OCRL: variants seen among roughly 807,000 people sequenced by gnomAD.
The protein encoded by OCRL is inositol polyphosphate 5-phosphatase OCRL.
A neutral mutation model predicts 78.9 loss-of-function variants in OCRL; 8 were observed. That is an observed-to-expected ratio of 0.10 (90% CI 0.06 to 0.18). OCRL has a LOEUF of 0.18. Ranked by LOEUF, OCRL falls within the 10% of genes least tolerant of loss-of-function variation. OCRL has a pLI of 1.00. For missense variants in OCRL, 454 were observed against 696.7 expected (o/e 0.65, Z 3.92); for synonymous variants, 240 against 235.4 (o/e 1.02, Z -0.18).
At chrX:129,583,001 T>C (rs1377870142) in intron 18 of OCRL, among the ~76,000 whole-genome samples, 2 of 111,904 alleles carry the variant, frequency 1.8e-5, no homozygotes. Context: ...TTCGAAACAA[T>C]CCAGGTTGGG....
chrX:129,566,724 C>T (rs1434667379), intron 13 of OCRL, among the ~76,000 whole-genome samples: 3 of 112,297 alleles, frequency 2.7e-5, no homozygotes, highest in African/African-American at 9.7e-5. Context: ...CTATGTCTAC[C>T]TTCACGTTGT....
At position 129,575,907 on chromosome X, in the gene OCRL, A is replaced by G; in HGVS notation, c.1724A>G (p.Glu575Gly). ...LELSRREFVF[E>G]NVKFRQLQKE... ...TCTGTTATTCCCCAGTTTGTGTTTG[A>G]AAATGTGAAGTTTCGGCAACTACAA... The change falls in exon 17 of 24, where the codon GAA becomes GGA. Residue 575 changes from glutamate (E) to glycine (G), a missense_variant. Glu to Gly is a moderately conservative substitution (Grantham distance 98). This residue lies in a region of OCRL where 277 missense variants were observed against 517.1 expected (regional missense o/e 0.54). Transcript: ENST00000371113. The G allele has an allele frequency of 8.3e-7, 1 of 1,211,997 alleles. No individual in the cohort carries two copies. The highest frequency in any genetic ancestry group is 1.1e-6 in the Non-Finnish European group (1 of 895,467).
Position 129,561,217 on chromosome X carries a change from A to C in OCRL, c.863A>C (p.Tyr288Ser), listed in dbSNP as rs1936140499. The C allele has an allele frequency of 3.3e-6, 4 of 1,209,023 alleles. No individual in the cohort carries two copies. The highest frequency in any genetic ancestry group is 3.4e-6 in the Non-Finnish European group (3 of 892,999). Residue 288 changes from tyrosine to serine, a missense_variant, in exon 10 of 24, where the codon TAC (tyrosine) becomes TCC (serine). Tyr to Ser is a moderately radical substitution (Grantham distance 144, BLOSUM62 -2). Transcript: ENST00000371113. ...ELDLSTEAFF[Y>S]FESVKEQEWS... ...GACTTGAGCACAGAAGCCTTCTTCT[A>C]CTTTGAATCTGTGAAGGAACAAGAA...
chrX:129,582,133 A>G (rs1284656263), intron 18 of OCRL, among the ~76,000 whole-genome samples: 2 of 110,011 alleles, frequency 1.8e-5, no homozygotes, highest in East Asian at 5.7e-4. Context: ...CCTAATATCA[A>G]TTTGTGATTT....
Position 129,570,043 on chromosome X carries a change from A to G in OCRL, c.1602+644A>G, listed in dbSNP as rs377581424. On this transcript the variant is annotated intron_variant, in intron 15 of 23. Coordinates refer to ENST00000371113, the MANE Select transcript of OCRL (RefSeq NM_000276.4). ...TTAACTCTGTTCTATCCTGGGCTGC[A>G]TTAATGGCCAGTTATTTAATTTTCT... Among the ~76,000 whole-genome samples the G allele has an allele frequency of 3.6e-5, 4 of 110,131 alleles. No homozygotes were observed. In the East Asian group the frequency reaches 8.5e-4, roughly 23 times the overall value.
intron 18 of OCRL, among the ~76,000 whole-genome samples, chrX:129,583,996 G>C: frequency 9.1e-6 from 1 of 110,401 alleles, no homozygotes; most frequent in African/African-American, 3.3e-5. Flanking sequence ...TTTCATTGAG[G>C]TATATACCTC....
intron 13 of OCRL, among the ~76,000 whole-genome samples, chrX:129,566,085 A>G (rs961078190): frequency 8.9e-6 from 1 of 112,257 alleles, no homozygotes; most frequent in African/African-American, 3.2e-5. Flanking sequence ...AGATAACATT[A>G]GTGATAAAAA....
chrX:129,568,591 T>G (rs1192087445), intron 14 of OCRL, among the ~76,000 whole-genome samples: 3 of 112,537 alleles, frequency 2.7e-5, no homozygotes, highest in Non-Finnish European at 5.6e-5. Context: ...CTGTGTCACC[T>G]TCTGGATCAG....
chrX:129,565,477 TA>T (rs767693398), intron 12 of OCRL, among the ~76,000 whole-genome samples: 3 of 112,167 alleles, frequency 2.7e-5, no homozygotes, highest in African/African-American at 9.7e-5. Context: ...GTCCAGCAAA[TA>T]AACTGCATGC....
At chrX:129,575,569 A>G (rs1256405816) in intron 16 of OCRL, 1 of 380,964 alleles carries the variant, frequency 2.6e-6, no homozygotes, top group Non-Finnish European at 4.6e-6. Context: ...TTAATATTTC[A>G]GAGTTGCTAG....
intron 4 of OCRL, among the ~76,000 whole-genome samples, chrX:129,551,401 A>G (rs1411661780): frequency 8.9e-6 from 1 of 112,271 alleles, no homozygotes; most frequent in Non-Finnish European, 1.9e-5. Flanking sequence ...TAGGAAACAG[A>G]CTTTAAACTG....
At chrX:129,567,463 T>C in intron 14 of OCRL, 100 bp downstream of exon 14, 2 of 545,928 alleles carry the variant, frequency 3.7e-6, no homozygotes, top group Non-Finnish European at 6.4e-6. Context: ...GGCCATGCCA[T>C]AAGCAGATAT....
chrX:129,581,741 G>GTA (rs1215747603), intron 18 of OCRL, among the ~76,000 whole-genome samples: 5 of 103,304 alleles, frequency 4.8e-5, no homozygotes, highest in African/African-American at 1.8e-4. Flanking sequence ...GTGTGTGTGT[G>GTA]TGTGTGTGTG....
At chrX:129,572,371 A>G (rs936276114) in intron 15 of OCRL, among the ~76,000 whole-genome samples, 1 of 112,895 alleles carries the variant, frequency 8.9e-6, no homozygotes, top group Non-Finnish European at 1.9e-5. Context: ...TTCCTTTACT[A>G]AAATGGATGT....
At chrX:129,581,725 C>CCTG (rs1936441777) in intron 18 of OCRL, among the ~76,000 whole-genome samples, 1 of 92,288 alleles carries the variant, frequency 1.1e-5, no homozygotes, top group African/African-American at 4.0e-5. Context: ...ATACACACAC[C>CCTG]TGTGTGTGTG....
intron 2 of OCRL, among the ~76,000 whole-genome samples, chrX:129,542,418 A>T (rs1258197696): frequency 9.4e-6 from 1 of 106,091 alleles, no homozygotes; most frequent in Non-Finnish European, 1.9e-5. Context: ...AAATAGTTTT[A>T]AATATATATA....
At chrX:129,558,124 C>T (rs1286044022) in intron 6 of OCRL, among the ~76,000 whole-genome samples, 174 bp downstream of exon 6, 1 of 111,816 alleles carries the variant, frequency 8.9e-6, no homozygotes, top group African/African-American at 3.3e-5. Flanking sequence ...CTTCCTGTAG[C>T]ATGGTAGCTG....
intron 12 of OCRL, among the ~76,000 whole-genome samples, chrX:129,563,638 CAG>C (rs1480671781): frequency 2.7e-5 from 3 of 111,198 alleles, no homozygotes; most frequent in East Asian, 5.6e-4. Context: ...TTATTAAAAA[CAG>C]GGGCAGCAGA....
intron 10 of OCRL, among the ~76,000 whole-genome samples, chrX:129,562,071 A>T (rs1181967670): frequency 8.9e-6 from 1 of 112,082 alleles, no homozygotes; most frequent in Non-Finnish European, 1.9e-5. Flanking sequence ...ACAAGCTGGG[A>T]TAGTGGCTTT....
Sources: gnomAD v4.1 joint callset for allele counts (sites outside exome capture counted in the v4.1 genomes callset) on GRCh38, gnomAD v4.1.1 for gene constraint, gnomAD v4.1.1 regional missense constraint, MANE v1.5 for transcripts, NCBI Gene and HGNC (gene_info 2026-07-23, HGNC 2026-07-21) for gene names.